MED23: variants seen among roughly 807,000 people sequenced by gnomAD.
MED23 encodes the protein mediator complex subunit 23.
Under a neutral mutation model 163.9 loss-of-function variants are expected in MED23, and 105 were observed. The observed-to-expected ratio is 0.64, with a 90% CI of 0.55 to 0.75. The LOEUF (loss-of-function observed/expected upper bound fraction) is 0.75, where lower values mean the gene tolerates loss of function less well. MED23 is among the 30% of genes least tolerant of loss of function. The pLI is 0.00. For synonymous variants in MED23, 561 were observed against 565.6 expected, an observed-to-expected ratio of 0.99 and a Z score of 0.12; for missense variants, 1,054 against 1,649.0, an observed-to-expected ratio of 0.64 and a Z score of 6.25.
chr6:131,588,438 C>A (rs1253796350), intron 28 of MED23, among the ~76,000 whole-genome samples: 2 of 152,200 alleles, frequency 1.3e-5, no homozygotes, highest in Non-Finnish European at 2.9e-5. Flanking sequence ...TGCTCTTTGA[C>A]CTTTTCCTTT....
At chr6:131,592,346 C>T (rs1344067424) in intron 25 of MED23, 42 bp downstream of exon 25, 2 of 1,548,042 alleles carry the variant, frequency 1.3e-6, no homozygotes, top group East Asian at 4.5e-5. Context: ...GAACAGCTGG[C>T]TGTATTTCAT....
At chr6:131,622,215 C>G (rs1777162510) in intron 5 of MED23, among the ~76,000 whole-genome samples, 1 of 152,178 alleles carries the variant, frequency 6.6e-6, no homozygotes, top group Non-Finnish European at 1.5e-5. Flanking sequence ...GTTTGTCAAG[C>G]TTTTTTGGCC....
intron 25 of MED23, chr6:131,592,111 T>C (rs566069266): frequency 2.9e-4 from 136 of 472,976 alleles, no homozygotes; most frequent in African/African-American, 2.5e-3. Flanking sequence ...CAAGCTATTA[T>C]GTAAAAACTA....
intron 22 of MED23, among the ~76,000 whole-genome samples, chr6:131,594,720 G>C (rs1774911483): frequency 6.6e-6 from 1 of 152,168 alleles, no homozygotes; most frequent in Admixed American, 6.5e-5. Context: ...TGGCATGTAT[G>C]AGGCAGCTCT....
At chr6:131,623,508 C>A (rs1487328231) in intron 4 of MED23, 46 bp from the exon 5 acceptor site, 1 of 1,507,878 alleles carries the variant, frequency 6.6e-7, no homozygotes, top group South Asian at 1.1e-5. Flanking sequence ...CAGAATTTTC[C>A]AAGTTCTCTA....
chr6:131,605,239 C>A lies in MED23; in HGVS notation c.1613+1G>T. 6.2e-7 allele frequency: 1 copy of A among 1,613,278 alleles called. No individual in the cohort carries two copies. Among genetic ancestry groups the A allele is most frequent in the Non-Finnish European group, 8.5e-7 (1 of 1,179,534 alleles). On this transcript the variant is annotated splice_donor_variant, in intron 14 of 28. Coordinates refer to ENST00000368068, the MANE Select transcript of MED23 (RefSeq NM_004830.4). LOFTEE classifies it high-confidence loss of function. ...GAACCAAATTAATAAAAAGAACATA[C>A]CTCATTTTGGCATGAACTGTCAGTG...
rs1774730900 is a variant in MED23, at chr6:131,592,646, T to A, written c.3399-186A>T. The A allele has an allele frequency of 6.4e-6, 4 of 624,652 alleles. No homozygotes were observed. The South Asian group carries it at 8.0e-5, about 12-fold the overall frequency. The allele number at this position is 624,652 out of a possible 1,614,324, so 38.7% of individuals were successfully genotyped here. On this transcript the variant is annotated intron_variant, in intron 24 of 28. Coordinates refer to ENST00000368068, the MANE Select transcript of MED23 (RefSeq NM_004830.4). ...TGCATAAAAACTCAAGAAGGCTTTT[T>A]AAAAATACTTCCTCCCCAATCATTA...
At chr6:131,625,845 G>A (rs374051753) in intron 3 of MED23, among the ~76,000 whole-genome samples, 5 of 151,954 alleles carry the variant, frequency 3.3e-5, no homozygotes, top group South Asian at 4.2e-4. Context: ...ACTCTCAGCC[G>A]GGCGCGGTGG....
chr6:131,626,385 C>A (rs1379598211), intron 3 of MED23, among the ~76,000 whole-genome samples: 5 of 151,172 alleles, frequency 3.3e-5, no homozygotes, highest in Non-Finnish European at 5.9e-5. Context: ...GAAGGTACAG[C>A]CATACAATGG....
rs200823095 is a variant in MED23 at position 131,627,676 on chromosome 6, T to TAA, written c.40-6_40-5dup. On this transcript the variant is annotated splice_region_variant and splice_polypyrimidine_tract_variant and intron_variant, in intron 1 of 28. Transcript: ENST00000368068. ...CCTCTTCTATAACTTCCGTTTTCTGTAAAAAAAAAAAAAACAAAATGTAAA... is the reference window on the plus strand; with the variant it reads ...CCTCTTCTATAACTTCCGTTTTCTGTAAAAAAAAAAAAAAAACAAAATGTAAA... The TAA allele has an allele frequency of 0.14, 200,025 of 1,409,360 alleles. 3,368 individuals carry two copies. Among genetic ancestry groups the TAA allele is most frequent in the African/African-American group, 0.23 (14,693 of 64,990 alleles). The allele number at this position is 1,409,360 out of a possible 1,614,324, so 87.3% of individuals were successfully genotyped here.
At chr6:131,606,281 AG>A (rs1214392346) in intron 13 of MED23, among the ~76,000 whole-genome samples, 197 bp downstream of exon 13, 1 of 152,146 alleles carries the variant, frequency 6.6e-6, no homozygotes, top group East Asian at 1.9e-4. Context: ...CATATAAGCA[AG>A]ACTAACCTTG....
At chr6:131,579,177 T>G in intron 30 of MED23, 1 of 1,614,154 alleles carries the variant, frequency 6.2e-7, no homozygotes, top group Non-Finnish European at 8.5e-7. Flanking sequence ...CCCTTTCAAA[T>G]TGTGAAGAAT....
intron 6 of MED23, among the ~76,000 whole-genome samples, chr6:131,621,632 A>G (rs748141352): frequency 2.6e-5 from 4 of 152,174 alleles, no homozygotes; most frequent in Non-Finnish European, 4.4e-5. Context: ...TCCATATGCT[A>G]AGGTCTTGTA....
Position 131,594,081 on chromosome 6 carries a change from T to A in MED23, c.3232+18A>T, listed in dbSNP as rs1204752293. On this transcript the variant is annotated intron_variant, in intron 23 of 28. Transcript: ENST00000368068. ...TACTGTTATTTCTGGGAGTCTAAAA[T>A]CACAATAAAAAGGATATTATCGACT... The A allele has an allele frequency of 1.3e-6, 2 of 1,577,368 alleles. No individual in the cohort carries two copies. The highest frequency in any genetic ancestry group is 1.7e-6 in the Non-Finnish European group (2 of 1,147,656).
intron 30 of MED23, chr6:131,574,436 C>A: frequency 1.1e-6 from 1 of 928,046 alleles, no homozygotes; most frequent in South Asian, 1.3e-5. Context: ...CAGAAATGTT[C>A]CTTTTAAAAT....
At chr6:131,586,605 T>G (rs1774194413), downstream of MED23, 1 of 356,040 alleles carries the variant, frequency 2.8e-6, no homozygotes, top group Non-Finnish European at 4.4e-6. Context: ...TAAAAGAATC[T>G]GTAACTCTTA....
rs200823095 is a variant in MED23, at chr6:131,627,676, TAAA to T, written c.40-7_40-5del. ...CCTCTTCTATAACTTCCGTTTTCTG[TAAA>T]AAAAAAAAAAACAAAATGTAAACAA... On this transcript the variant is annotated splice_region_variant and splice_polypyrimidine_tract_variant and intron_variant, in intron 1 of 28. Transcript: ENST00000368068. 453 of 1,459,156 alleles carry T rather than the reference TAAA, an allele frequency of 3.1e-4. 1 individual carries two copies. In the African/African-American group the frequency reaches 3.6e-3, roughly 12 times the overall value. The allele number at this position is 1,459,156 out of a possible 1,614,324, so 90.4% of individuals were successfully genotyped here. A position where few individuals can be genotyped will look rare whatever the true frequency, so the allele number is the denominator to read the frequency against.
In MED23 at chr6:131,610,049, CTGA is replaced by C; in HGVS notation, c.1071_1073del (p.His357del). The C allele has an allele frequency of 8.1e-6, 13 of 1,613,398 alleles. No individual in the cohort carries two copies. Among genetic ancestry groups the C allele is most frequent in the Non-Finnish European group, 1.1e-5 (13 of 1,179,450 alleles). ...GACCATAAGATTTAGTACATACCTT[CTGA>C]TGAAGAGAAAGCACCATATGTGGAA... On this transcript the variant is annotated inframe_deletion, in exon 11 of 29. Coordinates refer to ENST00000368068, the MANE Select transcript of MED23 (RefSeq NM_004830.4).
intron 12 of MED23, 73 bp from the exon 13 acceptor site, chr6:131,606,697 A>T (rs1775876804): frequency 7.9e-7 from 1 of 1,271,360 alleles, no homozygotes; most frequent in East Asian, 2.5e-5. Flanking sequence ...GTATTTTAGT[A>T]ATCAATTTCT....
Sources: allele counts gnomAD v4.1 joint callset (sites outside exome capture counted in the v4.1 genomes callset), GRCh38; gene constraint gnomAD v4.1.1; transcripts MANE v1.5; gene names NCBI Gene and HGNC (gene_info 2026-07-23, HGNC 2026-07-21).